The following ACSF2 variants were observed in gnomAD, a reference collection of about 807,000 sequenced individuals.
ACSF2 encodes the protein acyl-CoA synthetase family member 2.
In ACSF2, 52 loss-of-function variants were observed where a neutral mutation model predicts 79.3. That is an observed-to-expected ratio of 0.66 (90% CI 0.53 to 0.83). ACSF2 has a LOEUF of 0.83. Ranked by LOEUF, ACSF2 falls within the 40% of genes least tolerant of loss-of-function variation. The pLI is 0.00. For missense variants in ACSF2, 661 were observed against 803.3 expected (o/e 0.82, Z 2.14); for synonymous variants, 283 against 312.6 (o/e 0.91, Z 1.00).
intron 1 of ACSF2, among the ~76,000 whole-genome samples, chr17:50,437,623 T>A (rs886663026): frequency 6.6e-6 from 1 of 151,380 alleles, no homozygotes; most frequent in Admixed American, 6.6e-5. Flanking sequence ...GCCATTGCAC[T>A]CCAGCCTGGG....
chr17:50,461,197 C>T, intron 2 of ACSF2, 45 bp from the exon 3 acceptor site: 3 of 1,612,810 alleles, frequency 1.9e-6, no homozygotes, highest in Non-Finnish European at 2.5e-6. Context: ...TGGGCCCCTT[C>T]CTGCTTGCCC....
At chr17:50,445,338 C>A (rs1658032984) in intron 1 of ACSF2, among the ~76,000 whole-genome samples, 1 of 152,204 alleles carries the variant, frequency 6.6e-6, no homozygotes, top group Non-Finnish European at 1.5e-5. Context: ...ATTGCTGGGA[C>A]AATTTGCCTC....
chr17:50,449,660 C>T (rs1358157553), intron 1 of ACSF2, among the ~76,000 whole-genome samples: 5 of 149,386 alleles, frequency 3.3e-5, no homozygotes, highest in African/African-American at 4.9e-5. Flanking sequence ...ATGATCCACC[C>T]GCCTCGGCCT....
At position 50,462,454 on chromosome 17, in the gene ACSF2, G is replaced by T; in HGVS notation, c.661G>T (p.Ala221Ser). Reference sequence around the variant, plus strand: ...TCTGACCACAGTCATCTCGGTGGATGCCCCTTTGCCGGGGACCCTGCTCCT... The same window carrying T: ...TCTGACCACAGTCATCTCGGTGGATTCCCCTTTGCCGGGGACCCTGCTCCT... ...PDLTTVISVD[A>S]PLPGTLLLDE... The change falls in exon 6 of 16, where the codon GCC becomes TCC. Residue 221 changes from alanine to serine, a missense_variant. Coordinates refer to ENST00000300441, the MANE Select transcript of ACSF2 (RefSeq NM_025149.6). 6.2e-7 allele frequency: 1 copy of T among 1,605,142 alleles called. No homozygotes were observed. The highest frequency in any genetic ancestry group is 8.5e-7 in the Non-Finnish European group (1 of 1,174,656).
At chr17:50,461,791 C>A in intron 4 of ACSF2, 105 bp downstream of exon 4, 1 of 1,389,908 alleles carries the variant, frequency 7.2e-7, no homozygotes. Context: ...CATGCATAGG[C>A]GGGTGATACG....
At chr17:50,464,112 G>A (rs1289438496) in intron 9 of ACSF2, 106 bp from the exon 10 acceptor site, 7 of 1,370,894 alleles carry the variant, frequency 5.1e-6, no homozygotes, top group South Asian at 1.2e-5. Context: ...AAGGCTCGGG[G>A]TCAGAGGAGA....
At chr17:50,446,227 T>A (rs1442692683) in intron 1 of ACSF2, among the ~76,000 whole-genome samples, 2 of 152,220 alleles carry the variant, frequency 1.3e-5, no homozygotes, top group South Asian at 2.1e-4. Context: ...TATGACTACA[T>A]TGGCAGTAGC....
chr17:50,438,819 C>T (rs1277108284), intron 1 of ACSF2, among the ~76,000 whole-genome samples: 5 of 152,048 alleles, frequency 3.3e-5, no homozygotes, highest in African/African-American at 4.8e-5. Flanking sequence ...CACCTGTCTC[C>T]GACTCCCAAA....
chr17:50,442,131 C>T (rs1359447966), intron 1 of ACSF2, among the ~76,000 whole-genome samples: 1 of 152,004 alleles, frequency 6.6e-6, no homozygotes, highest in Admixed American at 6.6e-5. Context: ...ATGGTGAAAC[C>T]CCATTTCTAC....
chr17:50,452,849 C>CT (rs1474316056), intron 1 of ACSF2, among the ~76,000 whole-genome samples: 2 of 152,170 alleles, frequency 1.3e-5, no homozygotes, highest in Admixed American at 1.3e-4. Flanking sequence ...TTGTAGAACT[C>CT]TTTTAATTCC....
chr17:50,465,593 C>T, intron 10 of ACSF2: 1 of 1,480,228 alleles, frequency 6.8e-7, no homozygotes, highest in African/African-American at 1.4e-5. Flanking sequence ...TCCCAGGGTC[C>T]CATGCTTATT....
At chr17:50,431,736 C>T (rs752087439) in intron 1 of ACSF2, among the ~76,000 whole-genome samples, 2 of 152,156 alleles carry the variant, frequency 1.3e-5, no homozygotes, top group Admixed American at 6.5e-5. Context: ...TCAAGCCATC[C>T]TCCTGCCTTG....
At chr17:50,445,168 C>T (rs958929541) in intron 1 of ACSF2, among the ~76,000 whole-genome samples, 2 of 152,144 alleles carry the variant, frequency 1.3e-5, no homozygotes, top group African/African-American at 4.8e-5. Flanking sequence ...TCCTGCCTCA[C>T]CCTCCCAAAG....
intron 1 of ACSF2, among the ~76,000 whole-genome samples, chr17:50,439,850 C>T (rs781070637): frequency 3.9e-5 from 6 of 152,050 alleles, no homozygotes; most frequent in African/African-American, 1.2e-4. Context: ...AAGAGTATCT[C>T]GTTGTGGTTT....
chr17:50,448,911 T>G lies in ACSF2; in HGVS notation c.129-11766T>G, dbSNP rs571858243. Reference sequence around the variant, plus strand: ...TTACCTGGCTCCATTTTGTCAGGGTTTGACACAAGTGACTCCATTTTGATT... The same window carrying G: ...TTACCTGGCTCCATTTTGTCAGGGTGTGACACAAGTGACTCCATTTTGATT... On this transcript the variant is annotated intron_variant, in intron 1 of 15. Transcript: ENST00000300441. 1.1e-3 allele frequency among the ~76,000 whole-genome samples: 161 copies of G among 152,308 alleles called. 1 individual carries two copies. The highest frequency in any genetic ancestry group is 1.8e-3 in the Non-Finnish European group (123 of 68,034).
chr17:50,463,270 C>G lies in ACSF2; in HGVS notation c.888+19C>G, dbSNP rs569106202. 9 of 1,613,642 alleles carry G rather than the reference C, an allele frequency of 5.6e-6. No individual in the cohort carries two copies. Among genetic ancestry groups the G allele is most frequent in the Non-Finnish European group, 7.6e-6 (9 of 1,179,842 alleles). On this transcript the variant is annotated intron_variant, in intron 7 of 15. Transcript: ENST00000300441. The surrounding 1 kb of genome is among the most constrained non-coding windows in gnomAD (Gnocchi z 4.6). ...TGAGAAGGTGAGGCGGCACTAGGCC[C>G]AGGGCAAGGCTGCAGGAGGGGTGGC...
intron 10 of ACSF2, chr17:50,467,979 C>T (rs1057297903): frequency 3.3e-6 from 5 of 1,494,562 alleles, no homozygotes; most frequent in Non-Finnish European, 4.5e-6. Context: ...GTGGCCCTGG[C>T]TCCTGGGGCC....
chr17:50,462,796 T>C, intron 6 of ACSF2: 1 of 623,474 alleles, frequency 1.6e-6, no homozygotes, highest in Non-Finnish European at 2.7e-6. Flanking sequence ...ACTCCAGCCC[T>C]CTTGTTCCCG....
chr17:50,464,991 G>T, intron 10 of ACSF2: 1 of 414,086 alleles, frequency 2.4e-6, no homozygotes, highest in Non-Finnish European at 4.5e-6. Context: ...AGGTGAGAAG[G>T]TCAGTAGTCT....
Sources: gnomAD v4.1 joint callset for allele counts (sites outside exome capture counted in the v4.1 genomes callset) on GRCh38, gnomAD v4.1.1 for gene constraint, Gnocchi (gnomAD v3.1) non-coding constraint, MANE v1.5 for transcripts, NCBI Gene and HGNC (gene_info 2026-07-23, HGNC 2026-07-21) for gene names.